Variants in SCN2A observed in about 807,000 individuals in gnomAD.
SCN2A encodes sodium voltage-gated channel alpha subunit 2.
In SCN2A, 20 loss-of-function variants were observed where a neutral mutation model predicts 188.7. The observed-to-expected ratio is 0.11, with a 90% confidence interval of 0.07 to 0.15. SCN2A has a LOEUF of 0.15. SCN2A is among the 10% of genes least tolerant of loss of function. The pLI is 1.00. For missense variants in SCN2A, 1,278 were observed against 2,445.0 expected (o/e 0.52, Z 10.07); for synonymous variants, 804 against 833.1 (o/e 0.97, Z 0.60).
intron 25 of SCN2A, among the ~76,000 whole-genome samples, chr2:165,385,473 G>C (rs1382988981): frequency 6.6e-6 from 1 of 152,144 alleles, no homozygotes; most frequent in African/African-American, 2.4e-5. Context: ...AAATAGACTA[G>C]GGCAAAGATT....
intron 16 of SCN2A, among the ~76,000 whole-genome samples, chr2:165,348,388 T>A (rs575878657): frequency 4.0e-5 from 6 of 151,726 alleles, no homozygotes; most frequent in African/African-American, 1.5e-4. Flanking sequence ...CATATACTCT[T>A]TAGACATGAT....
chr2:165,392,182 A>C lies in SCN2A; in HGVS notation c.*2358A>C, dbSNP rs191911206. 50 of 152,692 alleles carry C rather than the reference A, an allele frequency of 3.3e-4. No homozygotes were observed. Among genetic ancestry groups the C allele is most frequent in the African/African-American group, 1.1e-3 (47 of 41,564 alleles). The allele number at this position is 152,692 out of a possible 1,614,324, so 9.5% of individuals were successfully genotyped here. On this transcript the variant is annotated 3_prime_UTR_variant, in exon 27 of 27. Transcript: ENST00000375437. ...CTATAATTCATCTTTCAATTTTTTC[A>C]TGGAATGGAAGTTAATTAAGAAGAG...
In SCN2A at chr2:165,368,135, A is replaced by T. The variant is rs143485933; in HGVS notation, c.3675+764A>T. 4.5e-3 allele frequency among the ~76,000 whole-genome samples: 685 copies of T among 152,188 alleles called. 10 individuals carry two copies. Among genetic ancestry groups the T allele is most frequent in the South Asian group, 0.032 (152 of 4,798 alleles). On this transcript the variant is annotated intron_variant, in intron 19 of 26. Coordinates refer to ENST00000375437, the MANE Select transcript of SCN2A (RefSeq NM_001040142.2). ...GCCAGCGAAAGTGGCTCTCAGAGGG[A>T]AGAGGAGCTGAAAGGAGATGGAGCA...
chr2:165,249,393 G>T (rs1693995915), intron 1 of SCN2A, among the ~76,000 whole-genome samples: 1 of 152,096 alleles, frequency 6.6e-6, no homozygotes, highest in African/African-American at 2.4e-5. Context: ...CTTAATCATT[G>T]CAGTATTCTC....
chr2:165,370,345 A>C, intron 20 of SCN2A, 46 bp downstream of exon 20: 1 of 1,594,882 alleles, frequency 6.3e-7, no homozygotes, highest in African/African-American at 1.3e-5. Flanking sequence ...CATATATGTA[A>C]TAGTTCTAGC....
At chr2:165,268,417 C>A (rs1041026188) in intron 1 of SCN2A, 1 of 151,674 alleles carries the variant, frequency 6.6e-6, no homozygotes, top group Non-Finnish European at 1.5e-5. Context: ...ATCACATAAA[C>A]AATTAAAAAT....
At chr2:165,251,501 T>A (rs371695764) in intron 1 of SCN2A, among the ~76,000 whole-genome samples, 3 of 152,210 alleles carry the variant, frequency 2.0e-5, no homozygotes, top group Middle Eastern at 3.4e-3. Flanking sequence ...TCTGGCCCAG[T>A]GACGATTATC....
intron 14 of SCN2A, among the ~76,000 whole-genome samples, chr2:165,334,517 A>T (rs936801801): frequency 1.3e-5 from 2 of 151,860 alleles, no homozygotes; most frequent in African/African-American, 2.4e-5. Flanking sequence ...TATTAATTTT[A>T]AAAAACTATA....
chr2:165,276,930 C>G (rs1269154688), intron 1 of SCN2A, among the ~76,000 whole-genome samples: 1 of 152,046 alleles, frequency 6.6e-6, no homozygotes, highest in African/African-American at 2.4e-5. Flanking sequence ...AATCCCAGTA[C>G]TTTGGAAGGC....
intron 16 of SCN2A, among the ~76,000 whole-genome samples, chr2:165,345,643 A>G (rs1442647353): frequency 6.6e-6 from 1 of 151,522 alleles, no homozygotes; most frequent in Non-Finnish European, 1.5e-5. Context: ...CAGCACACCG[A>G]TGGGTCTTGA....
intron 17 of SCN2A, among the ~76,000 whole-genome samples, chr2:165,356,273 ATTACT>A (rs2105340564): frequency 6.6e-6 from 1 of 152,284 alleles, no homozygotes; most frequent in East Asian, 1.9e-4. Flanking sequence ...GGGGCAAAGA[ATTACT>A]TTAATTGGTT....
chr2:165,241,861 T>C (rs533357776), intron 1 of SCN2A, among the ~76,000 whole-genome samples: 1 of 152,276 alleles, frequency 6.6e-6, no homozygotes, highest in East Asian at 1.9e-4. Flanking sequence ...AAATTAGATC[T>C]TTAAGAGTGA....
intron 1 of SCN2A, among the ~76,000 whole-genome samples, chr2:165,265,708 T>C (rs1694829504): frequency 6.6e-6 from 1 of 151,088 alleles, no homozygotes; most frequent in African/African-American, 2.4e-5. Context: ...AACAACACAG[T>C]ATTCTTTCTT....
chr2:165,296,883 T>C (rs534933707), intron 2 of SCN2A, 134 bp from the exon 3 acceptor site: 1 of 563,524 alleles, frequency 1.8e-6, no homozygotes, highest in Non-Finnish European at 3.2e-6. Flanking sequence ...TATCTTCATG[T>C]CATATGATGG....
Position 165,335,456 on chromosome 2 carries a change from TTA to T in SCN2A, c.2388+3890_2388+3891del, listed in dbSNP as rs574862499. ...AAATTCCAACAGTAAGTCTTCATAT[TTA>T]TGTTAAATTAATTTTCAACAAGACC... On this transcript the variant is annotated intron_variant, in intron 14 of 26. Transcript: ENST00000375437. Among the ~76,000 whole-genome samples the T allele has an allele frequency of 3.9e-4, 59 of 151,886 alleles. 4 individuals are homozygous for T. In the South Asian group the frequency reaches 0.012, roughly 31 times the overall value.
intron 16 of SCN2A, among the ~76,000 whole-genome samples, chr2:165,350,464 CTTTTTTTTTTTTT>C (rs71028479): frequency 1.4e-5 from 1 of 73,848 alleles, no homozygotes; most frequent in Non-Finnish European, 2.5e-5. Flanking sequence ...TGTTTTCTTT[CTTTTTTTTTTTTT>C]TTTTTTTTTT....
intron 1 of SCN2A, among the ~76,000 whole-genome samples, chr2:165,282,986 T>A (rs1695648472): frequency 1.3e-5 from 2 of 152,194 alleles, no homozygotes; most frequent in Non-Finnish European, 2.9e-5. Flanking sequence ...AATACATAAA[T>A]GATGTGTCCT....
intron 14 of SCN2A, among the ~76,000 whole-genome samples, chr2:165,334,139 T>C (rs2116659): frequency 0.72 from 107,955 of 150,812 alleles, 38,846 homozygotes; most frequent in Admixed American, 0.76. Flanking sequence ...GAAAACTTCC[T>C]GCCAAAAAAA....
At chr2:165,349,171 G>A (rs1699757803) in intron 16 of SCN2A, among the ~76,000 whole-genome samples, 1 of 152,152 alleles carries the variant, frequency 6.6e-6, no homozygotes, top group Admixed American at 6.5e-5. Flanking sequence ...TGTATATTTG[G>A]TATATGTTGG....
Sources: allele counts gnomAD v4.1 joint callset (sites outside exome capture counted in the v4.1 genomes callset), GRCh38; gene constraint gnomAD v4.1.1; transcripts MANE v1.5; gene names NCBI Gene and HGNC (gene_info 2026-07-23, HGNC 2026-07-21).